Variants in STYXL2 observed in about 807,000 individuals in gnomAD.
STYXL2 encodes serine/threonine/tyrosine-interacting-like protein 2.
Under a neutral mutation model 52.4 loss-of-function variants are expected in STYXL2, and 44 were observed. The observed-to-expected ratio is 0.84, with a 90% confidence interval of 0.66 to 1.08. STYXL2 has a LOEUF of 1.08. Among genes scored for constraint, STYXL2 ranks in the 50% least tolerant of loss-of-function variants. The pLI is 0.00. For synonymous variants in STYXL2, 604 were observed against 586.9 expected, an observed-to-expected ratio of 1.03 and a Z score of -0.42; for missense variants, 1,604 against 1,471.7, an observed-to-expected ratio of 1.09 and a Z score of -1.47.
At chr1:167,103,737 C>T (rs921707970) in intron 2 of STYXL2, among the ~76,000 whole-genome samples, 1 of 152,124 alleles carries the variant, frequency 6.6e-6, no homozygotes, top group African/African-American at 2.4e-5. Context: ...AATTTAAAAC[C>T]CCCTGTCAGT....
chr1:167,118,138 T>A (rs1233764946), intron 4 of STYXL2, among the ~76,000 whole-genome samples: 2 of 152,210 alleles, frequency 1.3e-5, no homozygotes, highest in African/African-American at 4.8e-5. Context: ...ATTTTCTTCT[T>A]TAGATTTCCT....
rs147304868 is a variant in STYXL2, at chr1:167,109,897, C to G, written c.111-3813C>G. Among the ~76,000 whole-genome samples, 696 of 152,338 alleles carry G rather than the reference C, an allele frequency of 4.6e-3. 3 individuals are homozygous for G. The highest frequency in any genetic ancestry group is 0.016 in the African/African-American group (674 of 41,576). On this transcript the variant is annotated intron_variant, in intron 2 of 5. Transcript: ENST00000361200. Reference sequence around the variant, plus strand: ...GTCTGTCCACATGACAACTTCACTGCTACCATAACCAGCATTTGAGAAAAC... The same window carrying G: ...GTCTGTCCACATGACAACTTCACTGGTACCATAACCAGCATTTGAGAAAAC...
At position 167,127,587 on chromosome 1, in the gene STYXL2, C is replaced by T. The variant is rs199585901; in HGVS notation, c.2456C>T (p.Thr819Ile). ...AGTTGCAGAAGCAAAGTGAGGGGGA[C>T]CAGCAAGCCCATCTTCAGCCTCTTT... ...AESCRSKVRG[T>I]SKPIFSLFAD... The change falls in exon 6 of 6, where the codon ACC becomes ATC. Residue 819 changes from threonine to isoleucine, a missense_variant. By Grantham distance (89) the Thr-to-Ile change is moderately conservative. Transcript: ENST00000361200. 8 of 1,614,118 alleles carry T rather than the reference C, an allele frequency of 5.0e-6. No individual in the cohort carries two copies. The East Asian group carries it at 1.8e-4, about 36-fold the overall frequency.
chr1:167,117,343 G>A lies in STYXL2; in HGVS notation c.221G>A (p.Gly74Glu), dbSNP rs1466545341. 1.9e-6 allele frequency: 3 copies of A among 1,609,020 alleles called. No homozygotes were observed. The highest frequency in any genetic ancestry group is 1.3e-5 in the African/African-American group (1 of 74,784). Reference sequence around the variant, plus strand: ...TCTCCTCTAGAACTCAAGCCACCGGGGGTCAGAGCAGACGCAGAGTGTCCA... The same window carrying A: ...TCTCCTCTAGAACTCAAGCCACCGGAGGTCAGAGCAGACGCAGAGTGTCCA... ...QIINEELKPP[G>E]VRADAECPGM... The change falls in exon 4 of 6, where the codon GGG (glycine) becomes GAG (glutamate). Residue 74 changes from glycine to glutamate, a missense_variant. Gly to Glu is a moderately conservative substitution (Grantham distance 98, BLOSUM62 -2). Coordinates refer to ENST00000361200, the MANE Select transcript of STYXL2 (RefSeq NM_001080426.3).
At chr1:167,120,694 A>G (rs539426135) in intron 5 of STYXL2, among the ~76,000 whole-genome samples, 1 of 151,844 alleles carries the variant, frequency 6.6e-6, no homozygotes, top group South Asian at 2.1e-4. Context: ...AGTGCTCACT[A>G]TAGCCTTGAC....
chr1:167,094,077 GAGA>G lies in STYXL2; in HGVS notation c.-128_-126del, dbSNP rs1667226311. 1 of 152,410 alleles carries G rather than the reference GAGA, an allele frequency of 6.6e-6. No homozygotes were observed. 9.4% of individuals were successfully genotyped at this position (152,410 alleles called of 1,614,324 possible). A position where few individuals can be genotyped will look rare whatever the true frequency, so the allele number is the denominator to read the frequency against. On this transcript the variant is annotated 5_prime_UTR_variant, in exon 1 of 6. Transcript: ENST00000361200. ...CTGTTAACAGCTGTCCTGCCCCTAG[GAGA>G]AGAAGCCCTGAGGAAGGAGGTGGCT... is the stretch of plus-strand genomic sequence containing the variant.
At position 167,128,502 on chromosome 1, in the gene STYXL2, C is replaced by G; in HGVS notation, c.3371C>G (p.Thr1124Ser). Reference sequence around the variant, plus strand: ...CGGCGGTCCCAGTATCGGAGAAGCACTGACAGGGAGGAAGAGGAAGAAATG... The same window carrying G: ...CGGCGGTCCCAGTATCGGAGAAGCAGTGACAGGGAGGAAGAGGAAGAAATG... ...SGRRSQYRRS[T>S]DREEEEEMDD... Residue 1124 changes from threonine (T) to serine (S), a missense_variant, in exon 6 of 6, where the codon ACT (threonine) becomes AGT (serine). Thr to Ser is a moderately conservative substitution (Grantham distance 58). Transcript: ENST00000361200. 1 of 1,613,380 alleles carries G rather than the reference C, an allele frequency of 6.2e-7. No homozygotes were observed. Among genetic ancestry groups the G allele is most frequent in the East Asian group, 2.2e-5 (1 of 44,800 alleles).
rs1668023181 is a variant in STYXL2 at position 167,128,405 on chromosome 1, T to C, written c.3274T>C (p.Phe1092Leu). The C allele has an allele frequency of 6.2e-7, 1 of 1,613,892 alleles. No individual in the cohort carries two copies. Among genetic ancestry groups the C allele is most frequent in the Admixed American group, 1.7e-5 (1 of 59,980 alleles). Residue 1092 changes from phenylalanine (F) to leucine (L), a missense_variant, in exon 6 of 6, where the codon TTT becomes CTT. Physicochemically the swap from Phe to Leu is conservative, Grantham distance 22 (BLOSUM62 0). Transcript: ENST00000361200. ...AGCCAAGAGGAAGTTCACCCAGAGCTTTATGAGGTCTGAAGAAGAGGGAGA... is the reference window on the plus strand; with the variant it reads ...AGCCAAGAGGAAGTTCACCCAGAGCCTTATGAGGTCTGAAGAAGAGGGAGA... ...FGAKRKFTQSFMRSEEEGEKE... is the reference protein window; with the variant it reads ...FGAKRKFTQSLMRSEEEGEKE...
At chr1:167,094,494 G>A (rs933831399) in intron 1 of STYXL2, 4 of 279,322 alleles carry the variant, frequency 1.4e-5, no homozygotes, top group African/African-American at 4.4e-5. Flanking sequence ...GAAAAATCTT[G>A]CTGGTCCAGG....
At position 167,097,936 on chromosome 1, in the gene STYXL2, G is replaced by T. The variant is rs559233634; in HGVS notation, c.110+2977G>T. On this transcript the variant is annotated intron_variant, in intron 2 of 5. Transcript: ENST00000361200. ...CTAGCACTTTTGGAGGCTGAGGTAG[G>T]ATGATTGCTTGAGGCCCCGAGTTTC... 2.0e-5 allele frequency among the ~76,000 whole-genome samples: 3 copies of T among 151,338 alleles called. No individual in the cohort carries two copies. The South Asian group carries it at 6.3e-4, about 32-fold the overall frequency.
chr1:167,110,389 C>G (rs1170175237), intron 2 of STYXL2, among the ~76,000 whole-genome samples: 1 of 152,026 alleles, frequency 6.6e-6, no homozygotes, highest in Non-Finnish European at 1.5e-5. Flanking sequence ...TCTGAATTGC[C>G]AGAAAAAGAA....
chr1:167,126,847 A>G lies in STYXL2; in HGVS notation c.1716A>G (p.Ala572=), dbSNP rs781679020. Reference sequence around the variant, plus strand: ...GAGACAGCAGCGGTGAGCCCGGTGCAGAGGAGGCAGTAGGGGAGAAGAACC... The same window carrying G: ...GAGACAGCAGCGGTGAGCCCGGTGCGGAGGAGGCAGTAGGGGAGAAGAACC... ...GAGDSSGEPG[A]EEAVGEKNPS... Residue 572 remains alanine, a synonymous_variant, in exon 6 of 6, where the codon GCA becomes GCG. Coordinates refer to ENST00000361200, the MANE Select transcript of STYXL2 (RefSeq NM_001080426.3). 6.2e-7 allele frequency: 1 copy of G among 1,614,154 alleles called. No homozygotes were observed. Among genetic ancestry groups the G allele is most frequent in the South Asian group, 1.1e-5 (1 of 91,082 alleles).
chr1:167,098,068 G>A (rs1250563824), intron 2 of STYXL2, among the ~76,000 whole-genome samples: 1 of 143,940 alleles, frequency 6.9e-6, no homozygotes, highest in Non-Finnish European at 1.5e-5. Context: ...CTGGAGTGCA[G>A]TGGCGTGATC....
chr1:167,100,950 A>C (rs1183087626), intron 2 of STYXL2, among the ~76,000 whole-genome samples: 2 of 152,200 alleles, frequency 1.3e-5, no homozygotes, highest in Non-Finnish European at 2.9e-5. Flanking sequence ...GCTATCATCC[A>C]ATCGATCCCA....
At position 167,117,385 on chromosome 1, in the gene STYXL2, C is replaced by G. The variant is rs139783903; in HGVS notation, c.263C>G (p.Ala88Gly). 3.3e-5 allele frequency: 54 copies of G among 1,612,740 alleles called. No homozygotes were observed. The African/African-American group carries it at 6.5e-4, about 20-fold the overall frequency. The change falls in exon 4 of 6, where the codon GCT becomes GGT. Residue 88 changes from alanine (A) to glycine (G), a missense_variant. Transcript: ENST00000361200. Reference sequence around the variant, plus strand: ...GAGTGTCCAGGCATGCTGGAGTCTGCTGAACAGCTGCTGGTGGAGGACCTG... The same window carrying G: ...GAGTGTCCAGGCATGCTGGAGTCTGGTGAACAGCTGCTGGTGGAGGACCTG... ...DAECPGMLES[A>G]EQLLVEDLYN...
rs140692288 is a variant in STYXL2 at position 167,126,327 on chromosome 1, G to C, written c.1196G>C (p.Arg399Pro). Residue 399 changes from arginine (R) to proline (P), a missense_variant, in exon 6 of 6, where the codon CGA (arginine) becomes CCA (proline). Arg to Pro is a moderately radical substitution (Grantham distance 103, BLOSUM62 -2). Coordinates refer to ENST00000361200, the MANE Select transcript of STYXL2 (RefSeq NM_001080426.3). ...VERIIQEWQSRNERYQAEGYR... is the reference protein window; with the variant it reads ...VERIIQEWQSPNERYQAEGYR... ...AGGATCATCCAGGAGTGGCAGAGCC[G>C]AAACGAGAGGTACCAAGCAGAAGGG... is the stretch of plus-strand genomic sequence containing the variant. 1,069 of 1,520,052 alleles carry C rather than the reference G, an allele frequency of 7.0e-4. 5 individuals carry two copies. Among genetic ancestry groups the C allele is most frequent in the Admixed American group, 7.3e-4 (34 of 46,878 alleles). The allele number at this position is 1,520,052 out of a possible 1,614,324, so 94.2% of individuals were successfully genotyped here. A position where few individuals can be genotyped will look rare whatever the true frequency, so the allele number is the denominator to read the frequency against.
At chr1:167,114,718 A>G (rs557480718) in intron 3 of STYXL2, among the ~76,000 whole-genome samples, 1 of 152,234 alleles carries the variant, frequency 6.6e-6, no homozygotes. Context: ...TGGGCACTCT[A>G]GGAGGCCCCA....
At position 167,128,863 on chromosome 1, in the gene STYXL2, C is replaced by A. The variant is rs1668033730; in HGVS notation, c.*255C>A. The A allele has an allele frequency of 4.1e-6, 2 of 484,504 alleles. No homozygotes were observed. The highest frequency in any genetic ancestry group is 1.9e-5 in the African/African-American group (1 of 51,368). The allele number at this position is 484,504 out of a possible 1,614,324, so 30.0% of individuals were successfully genotyped here. ...ACCATTTTCTGTTGCTCAGCGCCCT[C>A]TAAGCTTTGGTGTTTCACTTAATGT... On this transcript the variant is annotated 3_prime_UTR_variant, in exon 6 of 6. Transcript: ENST00000361200.
intron 3 of STYXL2, among the ~76,000 whole-genome samples, chr1:167,115,812 G>A (rs892896464): frequency 6.6e-6 from 1 of 152,236 alleles, no homozygotes. Context: ...ATCAGAGAAC[G>A]TTTAGAGCTG....
Sources: gnomAD v4.1 joint callset for allele counts (sites outside exome capture counted in the v4.1 genomes callset) on GRCh38, gnomAD v4.1.1 for gene constraint, MANE v1.5 for transcripts, NCBI Gene and HGNC (gene_info 2026-07-23, HGNC 2026-07-21) for gene names.